NELL1: variants seen among roughly 807,000 people sequenced by gnomAD.
The protein encoded by NELL1 is protein kinase C-binding protein NELL1.
In NELL1, 76 loss-of-function variants were observed where a neutral mutation model predicts 107.4. That is an observed-to-expected ratio of 0.71 (90% CI 0.59 to 0.86). The LOEUF is 0.86. Ranked by LOEUF, NELL1 falls within the 40% of genes least tolerant of loss-of-function variation. The pLI is 0.00. For missense variants in NELL1, 1,024 were observed against 1,005.5 expected (o/e 1.02, Z -0.25); for synonymous variants, 353 against 341.2 (o/e 1.03, Z -0.38).
chr11:21,463,132 T>C (rs1215702186), intron 15 of NELL1, among the ~76,000 whole-genome samples: 1 of 152,074 alleles, frequency 6.6e-6, no homozygotes, highest in Admixed American at 6.6e-5. Flanking sequence ...TTCTGAGTTA[T>C]GGTGTCTCTA....
At position 21,568,710 on chromosome 11, in the gene NELL1, C is replaced by A. The variant is rs571741356; in HGVS notation, c.1981-2054C>A. On this transcript the variant is annotated intron_variant, in intron 17 of 19. Coordinates refer to ENST00000357134, the MANE Select transcript of NELL1 (RefSeq NM_006157.5). ...TAGGTCTCCACAGGGTCAGGATTAT[C>A]AATATCACTGTCTTTCACCTCCATA... Among the ~76,000 whole-genome samples the A allele has an allele frequency of 2.6e-5, 4 of 151,804 alleles. No homozygotes were observed. The East Asian group carries it at 7.8e-4, about 30-fold the overall frequency.
rs369702287 is a variant in NELL1 at position 21,573,373 on chromosome 11, G to C, written c.2346G>C (p.Thr782=). 6.2e-7 allele frequency: 1 copy of C among 1,612,112 alleles called. No individual in the cohort carries two copies. The highest frequency in any genetic ancestry group is 1.1e-5 in the South Asian group (1 of 91,048). ...CACGGCTTAGTGGCTCAGTGTGGAC[G>C]ATGGCTGGATCTCCCTGCACAACCT... ...GVSRLSGSVW[T]MAGSPCTTCK... Residue 782 remains threonine (T), a synonymous_variant, in exon 19 of 20, where the codon ACG becomes ACC. Transcript: ENST00000357134.
At chr11:21,528,506 T>TC (rs1855911569) in intron 15 of NELL1, among the ~76,000 whole-genome samples, 3 of 57,884 alleles carry the variant, frequency 5.2e-5, no homozygotes, top group Admixed American at 2.9e-4. Flanking sequence ...TCTTTGCACA[T>TC]ACCCACCCCC....
Position 20,669,599 on chromosome 11 carries a change from G to T in NELL1, c.-125G>T, listed in dbSNP as rs982117247. 5 of 754,138 alleles carry T rather than the reference G, an allele frequency of 6.6e-6. No individual in the cohort carries two copies. The highest frequency in any genetic ancestry group is 5.4e-5 in the African/African-American group (3 of 55,722). The allele number at this position is 754,138 out of a possible 1,614,324, so 46.7% of individuals were successfully genotyped here. A position where few individuals can be genotyped will look rare whatever the true frequency, so the allele number is the denominator to read the frequency against. On this transcript the variant is annotated 5_prime_UTR_variant, in exon 1 of 20. Coordinates refer to ENST00000357134, the MANE Select transcript of NELL1 (RefSeq NM_006157.5). This position sits in a 1 kb window ranked among gnomAD's most constrained non-coding sequence, Gnocchi z 4.4. Reference sequence around the variant, plus strand: ...TGCGAGCGCAGCACCCGGCGCTGCCGAGCCACCTCCCCCGCCGCCCGCTAG... The same window carrying T: ...TGCGAGCGCAGCACCCGGCGCTGCCTAGCCACCTCCCCCGCCGCCCGCTAG...
In NELL1 at chr11:21,224,105, G is replaced by A. The variant is rs1021712514; in HGVS notation, c.1427-5227G>A. ...TTTTTAGCATTCCGTCTTTATCTTTGCCTTTTGAAAGTTTGACTATAATGT... is the reference window on the plus strand; with the variant it reads ...TTTTTAGCATTCCGTCTTTATCTTTACCTTTTGAAAGTTTGACTATAATGT... On this transcript the variant is annotated intron_variant, in intron 13 of 19. Transcript: ENST00000357134. 3.0e-4 allele frequency among the ~76,000 whole-genome samples: 45 copies of A among 152,118 alleles called. 1 individual carries two copies. Among genetic ancestry groups the A allele is most frequent in the Admixed American group, 1.8e-3 (28 of 15,284 alleles).
intron 12 of NELL1, among the ~76,000 whole-genome samples, chr11:20,967,252 C>A (rs1454127814): frequency 1.3e-5 from 2 of 152,014 alleles, no homozygotes; most frequent in Admixed American, 6.6e-5. Context: ...CAAGACCCTG[C>A]AAATTCTTAG....
intron 2 of NELL1, among the ~76,000 whole-genome samples, chr11:20,742,660 G>C (rs948546137): frequency 1.3e-5 from 2 of 152,112 alleles, no homozygotes; most frequent in African/African-American, 4.8e-5. Context: ...AAAACCATCA[G>C]ATCTCATGAG....
At chr11:20,944,242 T>A (rs1421465738) in intron 10 of NELL1, among the ~76,000 whole-genome samples, 1 of 152,196 alleles carries the variant, frequency 6.6e-6, no homozygotes, top group Admixed American at 6.5e-5. Context: ...TTTCCTGGGA[T>A]CATTTTAAAG....
chr11:21,165,594 T>C (rs1856462305), intron 13 of NELL1, among the ~76,000 whole-genome samples: 1 of 151,954 alleles, frequency 6.6e-6, no homozygotes, highest in South Asian at 2.1e-4. Context: ...AGAAAGGAAG[T>C]CGCTGTATTG....
chr11:20,993,892 CAAAA>C (rs66593988), intron 12 of NELL1, among the ~76,000 whole-genome samples: 3,427 of 124,834 alleles, frequency 0.027, 118 homozygotes, highest in African/African-American at 0.069. Context: ...TCTTTGTTGC[CAAAA>C]AAAAAAAAAA....
intron 12 of NELL1, among the ~76,000 whole-genome samples, chr11:21,067,955 C>T (rs1237426140): frequency 1.5e-5 from 2 of 132,366 alleles, no homozygotes; most frequent in Admixed American, 1.8e-4. Flanking sequence ...ATAACTTGAA[C>T]TCGGGAGGCG....
intron 7 of NELL1, among the ~76,000 whole-genome samples, chr11:20,924,082 G>A (rs1850438377): frequency 6.6e-6 from 1 of 152,162 alleles, no homozygotes; most frequent in African/African-American, 2.4e-5. Context: ...ATGTGATACC[G>A]TATCTATTTC....
At chr11:20,926,270 G>A (rs536615006) in intron 7 of NELL1, among the ~76,000 whole-genome samples, 1 of 152,178 alleles carries the variant, frequency 6.6e-6, no homozygotes, top group South Asian at 2.1e-4. Flanking sequence ...TATTTTTGAA[G>A]GTAAACTGGA....
intron 12 of NELL1, among the ~76,000 whole-genome samples, chr11:20,967,875 A>C (rs1445001549): frequency 6.6e-6 from 1 of 152,156 alleles, no homozygotes; most frequent in African/African-American, 2.4e-5. Context: ...CCCTATGTGA[A>C]CTGGAACCTG....
In NELL1 at chr11:20,677,925, T is replaced by C. The variant is rs781205780; in HGVS notation, c.56-7T>C. On this transcript the variant is annotated splice_region_variant and splice_polypyrimidine_tract_variant and intron_variant, in intron 1 of 19. Coordinates refer to ENST00000357134, the MANE Select transcript of NELL1 (RefSeq NM_006157.5). ...TTAAGCCCAAACAACTCTTTGTTCC[T>C]TTCCAGTGGTGGGCTTTGGGATGGA... The C allele has an allele frequency of 1.2e-6, 2 of 1,613,968 alleles. No homozygotes were observed. Among genetic ancestry groups the C allele is most frequent in the Admixed American group, 3.3e-5 (2 of 60,026 alleles).
At chr11:21,534,250 T>C in intron 15 of NELL1, 124 bp from the exon 16 acceptor site, 2 of 1,070,044 alleles carry the variant, frequency 1.9e-6, no homozygotes, top group Admixed American at 2.0e-5. Context: ...CCAGTGACTT[T>C]CATTGTAGGT....
Position 21,158,055 on chromosome 11 carries a change from A to G in NELL1, c.1426+44341A>G, listed in dbSNP as rs191391439. Among the ~76,000 whole-genome samples, 619 of 152,280 alleles carry G rather than the reference A, an allele frequency of 4.1e-3. 3 individuals are homozygous for G. The highest frequency in any genetic ancestry group is 0.014 in the African/African-American group (589 of 41,568). ...CTGCCAGTGTGGCTAGGATAAAAGC[A>G]GGCAGAGGAACGTGGAAGGACTAGA... On this transcript the variant is annotated intron_variant, in intron 13 of 19. Coordinates refer to ENST00000357134, the MANE Select transcript of NELL1 (RefSeq NM_006157.5).
chr11:20,722,742 A>G (rs996639330), intron 2 of NELL1, among the ~76,000 whole-genome samples: 18 of 152,134 alleles, frequency 1.2e-4, no homozygotes, highest in Non-Finnish European at 2.4e-4. Context: ...GAACAAATAC[A>G]AGAGAGTTCA....
At chr11:20,690,682 G>A (rs868546408) in intron 2 of NELL1, among the ~76,000 whole-genome samples, 9,584 of 151,794 alleles carry the variant, frequency 0.063, 412 homozygotes, top group Middle Eastern at 0.14. Flanking sequence ...TTTGGTTACC[G>A]TAGCCTTGTA....
Sources: allele counts gnomAD v4.1 joint callset (sites outside exome capture counted in the v4.1 genomes callset), GRCh38; gene constraint gnomAD v4.1.1; non-coding constraint Gnocchi (gnomAD v3.1); transcripts MANE v1.5; gene names NCBI Gene and HGNC (gene_info 2026-07-23, HGNC 2026-07-21).